NTRK2: variants seen among roughly 807,000 people sequenced by gnomAD.
NTRK2 encodes the protein BDNF/NT-3 growth factors receptor.
NTRK2 carries 13 observed loss-of-function variants against 94.5 expected under a neutral mutation model. The ratio of observed to expected loss-of-function variants is 0.14; its 90% CI spans 0.09 to 0.22. The LOEUF (loss-of-function observed/expected upper bound fraction) is 0.22. NTRK2 is among the 10% of genes least tolerant of loss of function. The pLI is 1.00. For missense variants in NTRK2, 639 were observed against 1,071.2 expected (o/e 0.60, Z 5.63); for synonymous variants, 372 against 407.4 (o/e 0.91, Z 1.05).
Position 84,710,690 on chromosome 9 carries a change from C to T in NTRK2, c.482C>T (p.Thr161Ile), listed in dbSNP as rs769121017. ...TCCTGTGACATTATGTGGATCAAGA[C>T]TCTCCAAGAGGCTAAATCCAGTCCA... is the stretch of plus-strand genomic sequence containing the variant. The part of the protein sequence containing the change: ...TCSCDIMWIK[T>I]LQEAKSSPDT... Residue 161 changes from threonine (T) to isoleucine (I), a missense_variant, in exon 6 of 19, where the codon ACT (threonine) becomes ATT (isoleucine). Physicochemically the swap from Thr to Ile is moderately conservative, Grantham distance 89. Around this residue, in one of 5 missense-constraint regions of NTRK2, gnomAD observed 206 missense variants for 251.5 expected, o/e 0.82. Coordinates refer to ENST00000277120, the MANE Select transcript of NTRK2 (RefSeq NM_006180.6). The T allele has an allele frequency of 7.4e-6, 12 of 1,614,026 alleles. No homozygotes were observed. The South Asian group carries it at 1.1e-4, about 15-fold the overall frequency.
chr9:84,868,889 A>G (rs1047189761), intron 14 of NTRK2, among the ~76,000 whole-genome samples: 1 of 152,168 alleles, frequency 6.6e-6, no homozygotes, highest in African/African-American at 2.4e-5. Context: ...AACCAGGCCT[A>G]TGATGCATTT....
intron 4 of NTRK2, among the ~76,000 whole-genome samples, chr9:84,703,080 T>C (rs1327423202): frequency 6.6e-6 from 1 of 152,180 alleles, no homozygotes; most frequent in Non-Finnish European, 1.5e-5. Context: ...GTCCATAAGG[T>C]GTGGCTTTCC....
chr9:84,773,381 T>A (rs981567712), intron 12 of NTRK2, among the ~76,000 whole-genome samples: 6 of 152,226 alleles, frequency 3.9e-5, no homozygotes, highest in African/African-American at 1.4e-4. Context: ...ATAGAAATTA[T>A]GGCATGGGAA....
At chr9:84,715,532 C>T (rs1300604131) in intron 6 of NTRK2, among the ~76,000 whole-genome samples, 3 of 152,130 alleles carry the variant, frequency 2.0e-5, no homozygotes, top group African/African-American at 4.8e-5. Flanking sequence ...TTTCTTCAAA[C>T]GGCCCTTCTA....
chr9:84,862,806 T>A (rs2132010961), intron 13 of NTRK2, among the ~76,000 whole-genome samples: 1 of 152,144 alleles, frequency 6.6e-6, no homozygotes, highest in South Asian at 2.1e-4. Flanking sequence ...GGTAAGGAAC[T>A]GGGGAGGGAG....
intron 12 of NTRK2, chr9:84,815,079 A>G (rs1369341564): frequency 2.8e-6 from 3 of 1,058,532 alleles, no homozygotes; most frequent in African/African-American, 3.3e-5. Context: ...GGAAAGTTCC[A>G]TGACAATGAC....
chr9:84,846,337 A>G (rs748478881), intron 12 of NTRK2, among the ~76,000 whole-genome samples: 2 of 152,242 alleles, frequency 1.3e-5, no homozygotes, highest in Non-Finnish European at 2.9e-5. Flanking sequence ...TGTGATCAAT[A>G]GAATGCAGTT....
chr9:84,962,423 T>C (rs1216174145), intron 17 of NTRK2, among the ~76,000 whole-genome samples: 2 of 152,240 alleles, frequency 1.3e-5, no homozygotes, highest in South Asian at 2.1e-4. Context: ...ATTCCAGTTC[T>C]TGGTCCCATC....
At chr9:84,672,834 G>T (rs1404603372) in intron 2 of NTRK2, among the ~76,000 whole-genome samples, 1 of 152,144 alleles carries the variant, frequency 6.6e-6, no homozygotes, top group East Asian at 1.9e-4. Flanking sequence ...TCTTATATCT[G>T]TCCTCACAAT....
chr9:84,760,771 G>A (rs957884063), intron 12 of NTRK2, among the ~76,000 whole-genome samples: 1 of 152,150 alleles, frequency 6.6e-6, no homozygotes, highest in Non-Finnish European at 1.5e-5. Flanking sequence ...AATGGGAGGG[G>A]GATGGGACCC....
chr9:84,846,536 A>G (rs2074482828), intron 12 of NTRK2, among the ~76,000 whole-genome samples: 1 of 152,232 alleles, frequency 6.6e-6, no homozygotes, highest in Admixed American at 6.5e-5. Context: ...CACAACATGA[A>G]GGCCTACAAG....
chr9:84,783,580 A>G (rs2067823873), intron 12 of NTRK2, among the ~76,000 whole-genome samples: 1 of 152,172 alleles, frequency 6.6e-6, no homozygotes. Context: ...TAGAGTTTGA[A>G]AGGTGCCTAG....
chr9:84,673,478 C>T (rs903818746), intron 2 of NTRK2, among the ~76,000 whole-genome samples: 7 of 152,134 alleles, frequency 4.6e-5, no homozygotes, highest in Admixed American at 3.9e-4. Flanking sequence ...GCTGAAGTTA[C>T]GTGCGTCTAT....
At chr9:84,870,661 G>C (rs545850375) in intron 14 of NTRK2, among the ~76,000 whole-genome samples, 1 of 151,968 alleles carries the variant, frequency 6.6e-6, no homozygotes, top group South Asian at 2.1e-4. Context: ...TTTTACAAAT[G>C]AGCTTTTAAA....
intron 17 of NTRK2, among the ~76,000 whole-genome samples, chr9:85,001,382 C>G (rs1830326270): frequency 6.6e-6 from 1 of 152,214 alleles, no homozygotes; most frequent in Non-Finnish European, 1.5e-5. Context: ...TTTGCCTTTT[C>G]AGATGATGGG....
chr9:84,698,780 T>C (rs1242118998), intron 2 of NTRK2, among the ~76,000 whole-genome samples: 2 of 152,230 alleles, frequency 1.3e-5, no homozygotes, highest in Non-Finnish European at 2.9e-5. Flanking sequence ...ACATTTCACA[T>C]TTCTTGGGAG....
chr9:84,877,365 G>T (rs936190787), intron 14 of NTRK2: 1 of 1,066,070 alleles, frequency 9.4e-7, no homozygotes, highest in Non-Finnish European at 1.1e-6. Flanking sequence ...TGGGTTGGGG[G>T]ATTAGTTCAT....
At chr9:85,008,932 A>G (rs1473099821) in intron 17 of NTRK2, among the ~76,000 whole-genome samples, 1 of 152,238 alleles carries the variant, frequency 6.6e-6, no homozygotes, top group Non-Finnish European at 1.5e-5. Context: ...CAGAACTTTT[A>G]GTCTACTGGG....
intron 14 of NTRK2, chr9:84,871,698 A>C: frequency 7.6e-6 from 8 of 1,055,926 alleles, no homozygotes; most frequent in Non-Finnish European, 1.2e-5. Context: ...TACAAAGTCC[A>C]GAGATGGTTT....
Sources: allele counts gnomAD v4.1 joint callset (sites outside exome capture counted in the v4.1 genomes callset), GRCh38; gene constraint gnomAD v4.1.1; regional missense constraint gnomAD v4.1.1; transcripts MANE v1.5; gene names NCBI Gene and HGNC (gene_info 2026-07-23, HGNC 2026-07-21).